DGKI: variants seen among roughly 807,000 people sequenced by gnomAD.
DGKI encodes diacylglycerol kinase iota, also known as DAG kinase iota.
Under a neutral mutation model 147.5 loss-of-function variants are expected in DGKI, and 55 were observed. That is an observed-to-expected ratio of 0.37 (90% CI 0.30 to 0.47). The LOEUF (loss-of-function observed/expected upper bound fraction) is 0.47. DGKI is among the 20% of genes least tolerant of loss of function. The pLI, the probability that DGKI is intolerant of heterozygous loss-of-function variation, is 1.00. For missense variants in DGKI, 1,007 were observed against 1,323.8 expected (o/e 0.76, Z 3.71); for synonymous variants, 469 against 477.1 (o/e 0.98, Z 0.22).
intron 1 of DGKI, among the ~76,000 whole-genome samples, chr7:137,704,818 GT>G (rs1793960065): frequency 6.6e-6 from 1 of 152,140 alleles, no homozygotes; most frequent in South Asian, 2.1e-4. Flanking sequence ...CTAATGGATG[GT>G]TTCTTCAGAA....
At chr7:137,678,757 G>C in intron 2 of DGKI, 105 bp from the exon 3 acceptor site, 1 of 976,370 alleles carries the variant, frequency 1.0e-6, no homozygotes, top group Non-Finnish European at 1.6e-6. Flanking sequence ...AAACCAAGGA[G>C]TCTAAACATT....
At chr7:137,515,398 G>C (rs1201350658) in intron 21 of DGKI, among the ~76,000 whole-genome samples, 1 of 152,140 alleles carries the variant, frequency 6.6e-6, no homozygotes, top group African/African-American at 2.4e-5. Flanking sequence ...TAGAAATAAG[G>C]TAAGCAGTCA....
chr7:137,632,740 T>C, intron 6 of DGKI, among the ~76,000 whole-genome samples: 1 of 151,992 alleles, frequency 6.6e-6, no homozygotes. Context: ...ACGCCTGTAG[T>C]CCCAGCTACT....
Position 137,498,224 on chromosome 7 carries a change from T to A in DGKI, c.2249-10535A>T, listed in dbSNP as rs889061168. 1.3e-4 allele frequency among the ~76,000 whole-genome samples: 19 copies of A among 150,224 alleles called. No individual in the cohort carries two copies. In the South Asian group the frequency reaches 2.5e-3, roughly 20 times the overall value. ...AAGTTAAAAGATAAAGTTGAGAAAA[T>A]CTCTAAAAAAGTAGAGCAAAAATAA... On this transcript the variant is annotated intron_variant, in intron 21 of 32. Transcript: ENST00000614521.
At chr7:137,484,820 T>A (rs1815497250) in intron 23 of DGKI, among the ~76,000 whole-genome samples, 1 of 152,108 alleles carries the variant, frequency 6.6e-6, no homozygotes, top group African/African-American at 2.4e-5. Flanking sequence ...ACCACTCAGA[T>A]TACATTTTAA....
intron 10 of DGKI, among the ~76,000 whole-genome samples, chr7:137,601,999 C>G (rs1820006097): frequency 6.6e-6 from 1 of 152,120 alleles, no homozygotes; most frequent in Non-Finnish European, 1.5e-5. Context: ...GATCTGTATA[C>G]ACACTAAATA....
intron 1 of DGKI, among the ~76,000 whole-genome samples, chr7:137,817,639 C>T (rs1797777750): frequency 1.3e-5 from 2 of 152,122 alleles, no homozygotes; most frequent in Non-Finnish European, 2.9e-5. Context: ...TTAATAAAGC[C>T]CTTGCAGACC....
chr7:137,600,873 AT>A lies in DGKI; in HGVS notation c.1168-969del, dbSNP rs1435747706. Among the ~76,000 whole-genome samples the A allele has an allele frequency of 3.3e-5, 5 of 152,272 alleles. No homozygotes were observed. The East Asian group carries it at 9.6e-4, about 29-fold the overall frequency. On this transcript the variant is annotated intron_variant, in intron 10 of 32. Transcript: ENST00000614521. ...CCAAACACTTCTCTGTCACGTGAAC[AT>A]TTTTGGGGCATTTTAAGTAACTGTG...
intron 1 of DGKI, among the ~76,000 whole-genome samples, chr7:137,698,086 A>G (rs1161642562): frequency 6.6e-6 from 1 of 150,782 alleles, no homozygotes; most frequent in Non-Finnish European, 1.5e-5. Flanking sequence ...ACAGATATCT[A>G]TATAGAGAGA....
intron 5 of DGKI, among the ~76,000 whole-genome samples, chr7:137,654,317 C>T (rs1460095717): frequency 3.3e-5 from 5 of 152,272 alleles, no homozygotes; most frequent in African/African-American, 1.2e-4. Context: ...ATAGGAATAA[C>T]CAGTTACTGT....
intron 12 of DGKI, among the ~76,000 whole-genome samples, chr7:137,595,884 C>A (rs1254131922): frequency 6.6e-6 from 1 of 151,178 alleles, no homozygotes; most frequent in Non-Finnish European, 1.5e-5. Context: ...TGCCTGTAGT[C>A]CCAACTACTC....
intron 1 of DGKI, among the ~76,000 whole-genome samples, chr7:137,718,999 C>A (rs1185382318): frequency 6.6e-6 from 1 of 152,162 alleles, no homozygotes; most frequent in Non-Finnish European, 1.5e-5. Context: ...TAGGTCTTGG[C>A]ACATAATATT....
intron 3 of DGKI, among the ~76,000 whole-genome samples, chr7:137,678,162 C>T (rs965929598): frequency 6.6e-5 from 10 of 152,116 alleles, no homozygotes; most frequent in Non-Finnish European, 2.9e-5. Context: ...CCAGTAAAGC[C>T]CCCACTGTGG....
At chr7:137,454,442 T>C (rs1219332181) in intron 27 of DGKI, among the ~76,000 whole-genome samples, 2 of 152,046 alleles carry the variant, frequency 1.3e-5, no homozygotes, top group African/African-American at 2.4e-5. Context: ...CAGTTTGAAA[T>C]GTGAGAGATT....
chr7:137,557,175 C>G (rs1051379981), intron 19 of DGKI, among the ~76,000 whole-genome samples: 1 of 152,122 alleles, frequency 6.6e-6, no homozygotes, highest in Non-Finnish European at 1.5e-5. Flanking sequence ...CTCTCTCCCC[C>G]ACTCACACAC....
intron 28 of DGKI, among the ~76,000 whole-genome samples, chr7:137,417,373 C>G (rs1263840442): frequency 1.3e-5 from 2 of 152,204 alleles, no homozygotes; most frequent in Non-Finnish European, 2.9e-5. Flanking sequence ...TGAATCATTA[C>G]TTCATAGGAA....
intron 23 of DGKI, among the ~76,000 whole-genome samples, chr7:137,477,738 C>T (rs1815224142): frequency 6.6e-6 from 1 of 152,106 alleles, no homozygotes; most frequent in Non-Finnish European, 1.5e-5. Flanking sequence ...CTCACTGCAT[C>T]CTCTGCCTCC....
Position 137,511,749 on chromosome 7 carries a change from T to C in DGKI, c.2248+10117A>G, listed in dbSNP as rs757022609. 3.3e-5 allele frequency among the ~76,000 whole-genome samples: 5 copies of C among 152,352 alleles called. No homozygotes were observed. In the South Asian group the frequency reaches 6.2e-4, roughly 19 times the overall value. ...GACTCTGCTTTCGGAACTGAAGCAA[T>C]GCATTCATGTTAGGATTGAGGCACT... On this transcript the variant is annotated intron_variant, in intron 21 of 32. Transcript: ENST00000614521.
chr7:137,521,332 T>C (rs1178218748), intron 21 of DGKI, among the ~76,000 whole-genome samples: 1 of 152,106 alleles, frequency 6.6e-6, no homozygotes, highest in Non-Finnish European at 1.5e-5. Context: ...ATACGTCGAC[T>C]CAAGTGCAGG....
Sources: gnomAD v4.1 joint callset for allele counts (sites outside exome capture counted in the v4.1 genomes callset) on GRCh38, gnomAD v4.1.1 for gene constraint, MANE v1.5 for transcripts, NCBI Gene and HGNC (gene_info 2026-07-23, HGNC 2026-07-21) for gene names.